MMP2: variants seen among roughly 807,000 people sequenced by gnomAD.
The protein encoded by MMP2 is matrix metallopeptidase 2, also known as 72 kDa type IV collagenase.
Under a neutral mutation model 74.8 loss-of-function variants are expected in MMP2, and 39 were observed. The observed-to-expected ratio is 0.52, with a 90% CI of 0.40 to 0.68. MMP2 has a LOEUF of 0.68. Ranked by LOEUF, MMP2 falls within the 30% of genes least tolerant of loss-of-function variation. MMP2 has a pLI of 0.00. For missense variants in MMP2, 803 were observed against 878.3 expected, an observed-to-expected ratio of 0.91 and a Z score of 1.08; for synonymous variants, 367 against 339.8, an observed-to-expected ratio of 1.08 and a Z score of -0.88.
At chr16:55,493,122 A>T in intron 8 of MMP2, 36 bp from the exon 9 acceptor site, 1 of 1,612,176 alleles carries the variant, frequency 6.2e-7, no homozygotes, top group Non-Finnish European at 8.5e-7. Flanking sequence ...GAACCTCTGG[A>T]GCTGCAGAGA....
In MMP2 at chr16:55,479,371, C is replaced by G. The variant is rs1962036189; in HGVS notation, c.-109C>G. Reference sequence around the variant, plus strand: ...CCCCAGGCCACCGAGCCAGCGGACCCTCGGAGCGCAGCCCTGCGCCGCGGA... The same window carrying G: ...CCCCAGGCCACCGAGCCAGCGGACCGTCGGAGCGCAGCCCTGCGCCGCGGA... On this transcript the variant is annotated 5_prime_UTR_variant, in exon 1 of 13. Transcript: ENST00000219070. 1 of 1,270,322 alleles carries G rather than the reference C, an allele frequency of 7.9e-7. No individual in the cohort carries two copies. Among genetic ancestry groups the G allele is most frequent in the Non-Finnish European group, 1.0e-6 (1 of 996,046 alleles). The allele number at this position is 1,270,322 out of a possible 1,614,324, so 78.7% of individuals were successfully genotyped here.
Position 55,485,928 on chromosome 16 carries a change from C to T in MMP2, c.832+151C>T, listed in dbSNP as rs558540954. The T allele has an allele frequency of 1.1e-4, 86 of 763,272 alleles. No homozygotes were observed. In the East Asian group the frequency reaches 2.2e-3, roughly 20 times the overall value. The allele number at this position is 763,272 out of a possible 1,614,324, so 47.3% of individuals were successfully genotyped here. ...CAACGTCCTTCACTCAGTTCCCCCC[C>T]ATCCTGATCTGAGCCATTGCTGTTT... On this transcript the variant is annotated intron_variant, in intron 5 of 12. Transcript: ENST00000219070.
At chr16:55,493,401 G>C (rs1233409532) in intron 9 of MMP2, 108 bp downstream of exon 9, 23 of 1,454,272 alleles carry the variant, frequency 1.6e-5, no homozygotes, top group Non-Finnish European at 2.1e-5. Flanking sequence ...ATGCTTCCCA[G>C]AATGACCTGA....
At chr16:55,497,560 A>G (rs570684376) in intron 10 of MMP2, among the ~76,000 whole-genome samples, 3 of 152,392 alleles carry the variant, frequency 2.0e-5, no homozygotes, top group Admixed American at 1.3e-4. Context: ...TTGACAGTCA[A>G]AAAACATTTT....
chr16:55,502,133 C>T (rs937065231), intron 11 of MMP2, among the ~76,000 whole-genome samples: 11 of 152,160 alleles, frequency 7.2e-5, no homozygotes, highest in South Asian at 2.1e-4. Context: ...TGGACTTACA[C>T]GTACCTTCCA....
intron 9 of MMP2, 127 bp downstream of exon 9, chr16:55,493,420 G>T: frequency 7.6e-7 from 1 of 1,310,498 alleles, no homozygotes; most frequent in Admixed American, 1.7e-5. Flanking sequence ...GAATTAGGCA[G>T]TTTCTGCTGT....
intron 8 of MMP2, 45 bp downstream of exon 8, chr16:55,492,001 G>GCC: frequency 1.8e-6 from 2 of 1,138,386 alleles, no homozygotes; most frequent in Non-Finnish European, 1.3e-6. Context: ...GAGGAGGGGG[G>GCC]AGGTCATGTA....
chr16:55,478,862 C>T (rs1962023697), upstream of MMP2: 1 of 152,268 alleles, frequency 6.6e-6, no homozygotes, highest in East Asian at 1.9e-4. Flanking sequence ...CGGCGTCCCT[C>T]CTAGTAGTAC....
Position 55,486,346 on chromosome 16 carries a change from CCT to C in MMP2, c.832+570_832+571del, listed in dbSNP as rs1491299037. On this transcript the variant is annotated intron_variant, in intron 5 of 12. Transcript: ENST00000219070. ...GCGTGTGTGTGTGTGTGTGTGTGTGCCTGTGTGTGTGTGTGTGTGTGTGTGTG... is the reference window on the plus strand; with the variant it reads ...GCGTGTGTGTGTGTGTGTGTGTGTGCGTGTGTGTGTGTGTGTGTGTGTGTG... 2.4e-3 allele frequency among the ~76,000 whole-genome samples: 105 copies of C among 43,784 alleles called. 1 individual carries two copies. The highest frequency in any genetic ancestry group is 0.013 in the Middle Eastern group (1 of 80). 28.7% of individuals were successfully genotyped at this position (43,784 alleles called of 152,430 possible).
At chr16:55,479,736 G>T in intron 1 of MMP2, 104 bp downstream of exon 1, 2 of 1,477,142 alleles carry the variant, frequency 1.4e-6, no homozygotes, top group African/African-American at 1.4e-5. Context: ...ACACAGCGTG[G>T]GGGAGGGGCT....
At position 55,481,727 on chromosome 16, in the gene MMP2, G is replaced by A. The variant is rs17859851; in HGVS notation, c.154-1182G>A. The A allele has an allele frequency of 9.1e-3, 5,869 of 645,610 alleles. 113 individuals carry two copies. Among genetic ancestry groups the A allele is most frequent in the African/African-American group, 0.05 (2,770 of 54,880 alleles). 40.0% of individuals were successfully genotyped at this position (645,610 alleles called of 1,614,324 possible). Reference sequence around the variant, plus strand: ...AAGAAGATAACTCTGGACTTAGACCGCTTGGCTTCAAATCAAAGAGTGCAT... The same window carrying A: ...AAGAAGATAACTCTGGACTTAGACCACTTGGCTTCAAATCAAAGAGTGCAT... On this transcript the variant is annotated intron_variant, in intron 1 of 12. Coordinates refer to ENST00000219070, the MANE Select transcript of MMP2 (RefSeq NM_004530.6).
At chr16:55,502,343 C>T (rs537498749) in intron 11 of MMP2, among the ~76,000 whole-genome samples, 1 of 152,298 alleles carries the variant, frequency 6.6e-6, no homozygotes, top group South Asian at 2.1e-4. Flanking sequence ...GCTAACATTT[C>T]TTAAGTACCT....
chr16:55,481,698 G>T, intron 1 of MMP2: 1 of 588,254 alleles, frequency 1.7e-6, no homozygotes, highest in Non-Finnish European at 3.1e-6. Flanking sequence ...TGCAGTGGGG[G>T]CTTAAGAAGA....
At position 55,489,717 on chromosome 16, in the gene MMP2, A is replaced by G; in HGVS notation, c.1073A>G (p.Asn358Ser). 6.2e-7 allele frequency: 1 copy of G among 1,614,104 alleles called. No homozygotes were observed. Among genetic ancestry groups the G allele is most frequent in the Non-Finnish European group, 8.5e-7 (1 of 1,180,014 alleles). ...GTCTTCCCCTTCACTTTCCTGGGCAACAAATATGAGAGCTGCACCAGCGCC... is the reference window on the plus strand; with the variant it reads ...GTCTTCCCCTTCACTTTCCTGGGCAGCAAATATGAGAGCTGCACCAGCGCC... ...PCVFPFTFLGNKYESCTSAGR... is the reference protein window; with the variant it reads ...PCVFPFTFLGSKYESCTSAGR... Residue 358 changes from asparagine to serine, a missense_variant, in exon 7 of 13, where the codon AAC (asparagine) becomes AGC (serine). By Grantham distance (46) the Asn-to-Ser change is conservative. This residue lies in a region of MMP2 where 555 missense variants were observed against 592.0 expected (regional missense o/e 0.94). Transcript: ENST00000219070.
chr16:55,492,161 G>A (rs1051322466), intron 8 of MMP2, among the ~76,000 whole-genome samples: 1 of 152,104 alleles, frequency 6.6e-6, no homozygotes, highest in Non-Finnish European at 1.5e-5. Context: ...TTCCCTATCC[G>A]AACAATGCTA....
chr16:55,500,541 G>GCACACACACACACATT (rs1962645485), intron 11 of MMP2, among the ~76,000 whole-genome samples: 1 of 53,090 alleles, frequency 1.9e-5, no homozygotes, highest in African/African-American at 7.9e-5. Context: ...ACACACACAG[G>GCACACACACACACATT]CATGGAGGTT....
chr16:55,498,993 C>T (rs1370756040), intron 11 of MMP2, among the ~76,000 whole-genome samples: 4 of 151,936 alleles, frequency 2.6e-5, no homozygotes, highest in Non-Finnish European at 5.9e-5. Flanking sequence ...ATGGTGAAAC[C>T]CCATCTCTAC....
At chr16:55,498,153 C>A in intron 10 of MMP2, 136 bp from the exon 11 acceptor site, 1 of 1,153,678 alleles carries the variant, frequency 8.7e-7, no homozygotes, top group Non-Finnish European at 1.3e-6. Flanking sequence ...CTGGGCACTG[C>A]AACCAGGAGT....
At position 55,505,389 on chromosome 16, in the gene MMP2, A is replaced by G; in HGVS notation, c.1930A>G (p.Ser644Gly). The change falls in exon 13 of 13, where the codon AGT (serine) becomes GGT (glycine). Residue 644 changes from serine to glycine, a missense_variant. Around this residue, in one of 3 missense-constraint regions of MMP2, gnomAD observed 555 missense variants for 592.0 expected, o/e 0.94. Coordinates refer to ENST00000219070, the MANE Select transcript of MMP2 (RefSeq NM_004530.6). ...GAYYLKLENQ[S>G]LKSVKFGSIK... The stretch of plus-strand genomic sequence containing the variant: ...CTATTACCTGAAGCTGGAGAACCAA[A>G]GTCTGAAGAGCGTGAAGTTTGGAAG... 6.2e-7 allele frequency: 1 copy of G among 1,614,098 alleles called. No individual in the cohort carries two copies. The highest frequency in any genetic ancestry group is 8.5e-7 in the Non-Finnish European group (1 of 1,180,012).
Sources: allele counts gnomAD v4.1 joint callset (sites outside exome capture counted in the v4.1 genomes callset), GRCh38; gene constraint gnomAD v4.1.1; regional missense constraint gnomAD v4.1.1; transcripts MANE v1.5; gene names NCBI Gene and HGNC (gene_info 2026-07-23, HGNC 2026-07-21).